KCNN2: variants seen among roughly 807,000 people sequenced by gnomAD.
KCNN2 encodes the protein potassium calcium-activated channel subfamily N member 2.
In KCNN2, 24 loss-of-function variants were observed where a neutral mutation model predicts 55.5. The ratio of observed to expected loss-of-function variants is 0.43; its 90% CI spans 0.31 to 0.61. The LOEUF is 0.61. KCNN2 is among the 20% of genes least tolerant of loss of function. KCNN2 has a pLI of 0.08. For synonymous variants in KCNN2, 431 were observed against 336.1 expected, an observed-to-expected ratio of 1.28 and a Z score of -3.09; for missense variants, 754 against 853.6, an observed-to-expected ratio of 0.88 and a Z score of 1.45.
At chr5:114,226,042 A>C (rs1310143851) in intron 2 of KCNN2, among the ~76,000 whole-genome samples, 2 of 152,232 alleles carry the variant, frequency 1.3e-5, no homozygotes, top group Non-Finnish European at 2.9e-5. Context: ...AAGATCTCAC[A>C]GAAGAAACAG....
At chr5:114,105,045 G>C (rs1444758480) in intron 1 of KCNN2, among the ~76,000 whole-genome samples, 1 of 152,008 alleles carries the variant, frequency 6.6e-6, no homozygotes, top group Non-Finnish European at 1.5e-5. Flanking sequence ...ATTGCAACAG[G>C]TTCATTCATC....
intron 2 of KCNN2, among the ~76,000 whole-genome samples, chr5:114,295,485 G>T (rs1240102274): frequency 6.6e-6 from 1 of 152,150 alleles, no homozygotes; most frequent in Non-Finnish European, 1.5e-5. Flanking sequence ...AACTCCATGG[G>T]CATGGGACCC....
chr5:114,189,369 C>T (rs754935374), intron 1 of KCNN2, among the ~76,000 whole-genome samples: 54 of 152,152 alleles, frequency 3.5e-4, no homozygotes, highest in Non-Finnish European at 7.2e-4. Context: ...TTAAAACAGG[C>T]AGAAGGAGTT....
At chr5:114,435,911 C>G (rs77516989) in intron 3 of KCNN2, among the ~76,000 whole-genome samples, 1 of 152,152 alleles carries the variant, frequency 6.6e-6, no homozygotes, top group South Asian at 2.1e-4. Flanking sequence ...AGCATTTGGA[C>G]TTTTACTTTT....
At chr5:114,118,183 C>CA (rs1265712607) in intron 1 of KCNN2, among the ~76,000 whole-genome samples, 5 of 152,256 alleles carry the variant, frequency 3.3e-5, no homozygotes, top group Admixed American at 1.3e-4. Context: ...CTTGAACTCT[C>CA]ACGATTTCCA....
chr5:114,359,462 A>AT (rs1757363598), upstream of KCNN2, among the ~76,000 whole-genome samples: 1 of 152,064 alleles, frequency 6.6e-6, no homozygotes, highest in Non-Finnish European at 1.5e-5. Context: ...CAAAAGATAC[A>AT]TTTTTGCCTA....
Position 114,496,439 on chromosome 5 carries a change from TCAAA to T in KCNN2, c.*263_*266del, listed in dbSNP as rs994529981. 2.5e-6 allele frequency: 1 copy of T among 396,756 alleles called. No individual in the cohort carries two copies. The highest frequency in any genetic ancestry group is 4.1e-5 in the Admixed American group (1 of 24,494). The allele number at this position is 396,756 out of a possible 1,614,324, so 24.6% of individuals were successfully genotyped here. A position where few individuals can be genotyped will look rare whatever the true frequency, so the allele number is the denominator to read the frequency against. On this transcript the variant is annotated 3_prime_UTR_variant, in exon 8 of 8. Coordinates refer to ENST00000673685, the MANE Select transcript of KCNN2 (RefSeq NM_021614.4). ...TTCACTAACTTTTTATTCATGCACT[TCAAA>T]CAAACTTTACTACTACATTATATGA...
At chr5:114,193,552 A>C (rs79625958) in intron 1 of KCNN2, among the ~76,000 whole-genome samples, 2,284 of 152,304 alleles carry the variant, frequency 0.015, 57 homozygotes, top group African/African-American at 0.051. Flanking sequence ...GGATGAATAA[A>C]GGAGTTACAT....
intron 3 of KCNN2, among the ~76,000 whole-genome samples, chr5:114,416,168 C>A (rs982963962): frequency 6.6e-6 from 1 of 152,036 alleles, no homozygotes; most frequent in Non-Finnish European, 1.5e-5. Context: ...GTAGTAGCTG[C>A]GAAAAATGAA....
intron 1 of KCNN2, among the ~76,000 whole-genome samples, chr5:114,174,051 G>A (rs1011214175): frequency 4.6e-5 from 7 of 152,038 alleles, no homozygotes; most frequent in Non-Finnish European, 1.0e-4. Context: ...TTCTAAATGA[G>A]TATGTTTCCC....
At chr5:114,211,763 A>G (rs559132695) in intron 1 of KCNN2, among the ~76,000 whole-genome samples, 1 of 152,124 alleles carries the variant, frequency 6.6e-6, no homozygotes, top group Non-Finnish European at 1.5e-5. Context: ...TGAGAGTGCT[A>G]TTTTCTATAT....
chr5:114,061,851 G>A (rs1384627112), intron 1 of KCNN2, among the ~76,000 whole-genome samples: 7 of 152,186 alleles, frequency 4.6e-5, no homozygotes, highest in African/African-American at 1.7e-4. Context: ...GGGAAGTGGA[G>A]GATCTGGTAG....
chr5:114,294,023 G>A (rs1755952889), intron 2 of KCNN2, among the ~76,000 whole-genome samples: 1 of 152,094 alleles, frequency 6.6e-6, no homozygotes, highest in Admixed American at 6.5e-5. Flanking sequence ...GTATTTCTGT[G>A]GGATCGGTGG....
At chr5:114,358,649 T>A (rs1314815553), upstream of KCNN2, among the ~76,000 whole-genome samples, 1 of 127,144 alleles carries the variant, frequency 7.9e-6, no homozygotes, top group African/African-American at 2.5e-5. Flanking sequence ...TTGATCTGCG[T>A]CTTTTTTTTT....
intron 2 of KCNN2, among the ~76,000 whole-genome samples, chr5:114,325,637 A>T (rs1004511664): frequency 4.6e-5 from 7 of 152,206 alleles, no homozygotes; most frequent in Non-Finnish European, 8.8e-5. Flanking sequence ...TCTTGGAAAG[A>T]CCTGTGGACA....
intron 2 of KCNN2, among the ~76,000 whole-genome samples, chr5:114,273,588 A>G (rs1253320624): frequency 6.6e-6 from 1 of 152,078 alleles, no homozygotes; most frequent in Non-Finnish European, 1.5e-5. Context: ...TTTGATGTGC[A>G]TTTCTCTAAT....
At chr5:114,215,419 T>G (rs1753982636) in intron 1 of KCNN2, among the ~76,000 whole-genome samples, 1 of 152,134 alleles carries the variant, frequency 6.6e-6, no homozygotes. Context: ...TTTTTCATTG[T>G]GAAACATATT....
chr5:114,405,900 C>T (rs371360105), intron 3 of KCNN2, among the ~76,000 whole-genome samples: 57 of 151,738 alleles, frequency 3.8e-4, no homozygotes, highest in African/African-American at 1.3e-3. Flanking sequence ...TTAGTAGAGA[C>T]GGGGTTTCAC....
At position 114,222,977 on chromosome 5, in the gene KCNN2, C is replaced by T. The variant is rs1041140767; in HGVS notation, c.-185+1412C>T. On this transcript the variant is annotated intron_variant, in intron 2 of 10. Coordinates refer to the KCNN2 transcript ENST00000512097. Reference sequence around the variant, plus strand: ...GCAGATGAATGCCATCTCTCATAATCTCTATTGAGGTCTCTTCTGCTTTCA... The same window carrying T: ...GCAGATGAATGCCATCTCTCATAATTTCTATTGAGGTCTCTTCTGCTTTCA... Among the ~76,000 whole-genome samples, 5 of 152,302 alleles carry T rather than the reference C, an allele frequency of 3.3e-5. No individual in the cohort carries two copies. The South Asian group carries it at 8.3e-4, about 25-fold the overall frequency.
Sources: gnomAD v4.1 joint callset for allele counts (sites outside exome capture counted in the v4.1 genomes callset) on GRCh38, gnomAD v4.1.1 for gene constraint, MANE v1.5 for transcripts, NCBI Gene and HGNC (gene_info 2026-07-23, HGNC 2026-07-21) for gene names.